SPATS2: variants seen among roughly 807,000 people sequenced by gnomAD.
SPATS2 encodes the protein spermatogenesis associated serine rich 2.
Under a neutral mutation model 63.7 loss-of-function variants are expected in SPATS2, and 38 were observed. The observed-to-expected ratio is 0.60, with a 90% CI of 0.46 to 0.78. The LOEUF (loss-of-function observed/expected upper bound fraction) is 0.78. Among genes scored for constraint, SPATS2 ranks in the 30% least tolerant of loss-of-function variants. The pLI is 0.00. For synonymous variants in SPATS2, 207 were observed against 232.9 expected (o/e 0.89, Z 1.01); for missense variants, 588 against 666.2 (o/e 0.88, Z 1.29).
intron 2 of SPATS2, among the ~76,000 whole-genome samples, chr12:49,379,203 A>T (rs577565954): frequency 2.0e-4 from 31 of 151,660 alleles, no homozygotes; most frequent in Admixed American, 1.2e-3. Flanking sequence ...TACAGGTGTG[A>T]GCCACTGCGC....
intron 3 of SPATS2, among the ~76,000 whole-genome samples, chr12:49,483,303 G>T (rs1946237092): frequency 6.6e-6 from 1 of 151,614 alleles, no homozygotes; most frequent in South Asian, 2.1e-4. Context: ...CCTCTTTGGG[G>T]GAGGATACAT....
intron 2 of SPATS2, chr12:49,389,502 A>T (rs1944382128): frequency 2.3e-6 from 2 of 870,266 alleles, no homozygotes; most frequent in African/African-American, 3.3e-5. Context: ...TAAGAGCAGG[A>T]TATATCTTTA....
chr12:49,409,337 G>A (rs548977574), intron 2 of SPATS2, among the ~76,000 whole-genome samples: 4 of 152,026 alleles, frequency 2.6e-5, no homozygotes, highest in Non-Finnish European at 5.9e-5. Flanking sequence ...ACAGAGTCTC[G>A]CTCTGTCACC....
chr12:49,473,293 G>A (rs1946069459), intron 3 of SPATS2, among the ~76,000 whole-genome samples: 1 of 152,054 alleles, frequency 6.6e-6, no homozygotes, highest in African/African-American at 2.4e-5. Context: ...ACATATGCCT[G>A]TAATCCCAGC....
chr12:49,511,696 T>C (rs1370005764), intron 9 of SPATS2, among the ~76,000 whole-genome samples: 1 of 152,198 alleles, frequency 6.6e-6, no homozygotes. Flanking sequence ...ACTGGAACCA[T>C]TGTTTAGCTC....
intron 2 of SPATS2, among the ~76,000 whole-genome samples, chr12:49,402,997 CA>C (rs1385607425): frequency 1.3e-5 from 2 of 152,004 alleles, no homozygotes; most frequent in African/African-American, 2.4e-5. Context: ...TGATGTGTTC[CA>C]GGGGATATGA....
intron 2 of SPATS2, among the ~76,000 whole-genome samples, chr12:49,374,744 T>G (rs1944063374): frequency 6.6e-6 from 1 of 152,034 alleles, no homozygotes; most frequent in Admixed American, 6.6e-5. Flanking sequence ...GCAGATCACT[T>G]GAGGTCAGGA....
Position 49,429,786 on chromosome 12 carries a change from C to CT in SPATS2, c.-243-30968dup, listed in dbSNP as rs113979672. ...TTTAGGTCTTTCTCTTCTTCTTCTT[C>CT]TTTTTTTTTTTTTTTTGAGAGTCTC... On this transcript the variant is annotated intron_variant, in intron 2 of 13. Coordinates refer to ENST00000552918, the MANE Select transcript of SPATS2 (RefSeq NM_023071.4). Among the ~76,000 whole-genome samples, 787 of 126,528 alleles carry CT rather than the reference C, an allele frequency of 6.2e-3. 7 individuals carry two copies. Among genetic ancestry groups the CT allele is most frequent in the Non-Finnish European group, 6.3e-3 (378 of 60,478 alleles). 83.0% of individuals were successfully genotyped at this position (126,528 alleles called of 152,430 possible). A position where few individuals can be genotyped will look rare whatever the true frequency, so the allele number is the denominator to read the frequency against.
At chr12:49,395,801 G>A (rs1358317835) in intron 2 of SPATS2, among the ~76,000 whole-genome samples, 2 of 152,124 alleles carry the variant, frequency 1.3e-5, no homozygotes, top group African/African-American at 4.8e-5. Flanking sequence ...ATCTTTTGTT[G>A]TACAATACTG....
intron 2 of SPATS2, among the ~76,000 whole-genome samples, chr12:49,371,550 T>C (rs530934693): frequency 7.9e-5 from 12 of 152,336 alleles, no homozygotes; most frequent in Middle Eastern, 6.8e-3. Flanking sequence ...TCCCTCTGTA[T>C]TGATCCATTC....
intron 11 of SPATS2, among the ~76,000 whole-genome samples, 158 bp downstream of exon 11, chr12:49,519,340 C>T (rs1448464912): frequency 6.6e-6 from 1 of 152,144 alleles, no homozygotes. Flanking sequence ...GTGGTATTAT[C>T]ATCTACCCAG....
intron 2 of SPATS2, among the ~76,000 whole-genome samples, chr12:49,435,638 CTTTTT>C (rs34420984): frequency 2.1e-5 from 2 of 96,058 alleles, no homozygotes; most frequent in South Asian, 7.7e-4. Flanking sequence ...TGAATGGTTT[CTTTTT>C]TTTTTTTTTT....
chr12:49,468,601 C>T lies in SPATS2; in HGVS notation c.25+7564C>T, dbSNP rs534731958. Among the ~76,000 whole-genome samples the T allele has an allele frequency of 2.6e-5, 4 of 152,222 alleles. No homozygotes were observed. In the South Asian group the frequency reaches 8.3e-4, roughly 32 times the overall value. On this transcript the variant is annotated intron_variant, in intron 3 of 13. Transcript: ENST00000552918. ...AGGCCATTCTCCCATCTCACCCCCT[C>T]AAGTAGCTGGGACTACAGATACGTG... is the stretch of plus-strand genomic sequence containing the variant.
chr12:49,428,279 A>C (rs930156072), intron 2 of SPATS2, among the ~76,000 whole-genome samples: 13 of 152,092 alleles, frequency 8.5e-5, no homozygotes, highest in African/African-American at 2.9e-4. Flanking sequence ...CAAACAAAAA[A>C]AAAAAACAAA....
At chr12:49,380,317 C>T (rs1000930552) in intron 2 of SPATS2, among the ~76,000 whole-genome samples, 1 of 152,020 alleles carries the variant, frequency 6.6e-6, no homozygotes, top group African/African-American at 2.4e-5. Context: ...AACCACCATG[C>T]CTGACCGAGA....
intron 9 of SPATS2, among the ~76,000 whole-genome samples, chr12:49,505,484 G>T (rs777096085): frequency 2.8e-4 from 43 of 151,816 alleles, no homozygotes; most frequent in Non-Finnish European, 4.6e-4. Context: ...TTCAGATTTT[G>T]GAATGTCTGC....
Position 49,430,640 on chromosome 12 carries a change from A to G in SPATS2, c.-243-30130A>G, listed in dbSNP as rs893938561. On this transcript the variant is annotated intron_variant, in intron 2 of 13. Transcript: ENST00000552918. Reference sequence around the variant, plus strand: ...TTGATTGGGTTTCTGAGTTAGAATTATATTATTTAGATTCAAATGAAGGCT... The same window carrying G: ...TTGATTGGGTTTCTGAGTTAGAATTGTATTATTTAGATTCAAATGAAGGCT... Among the ~76,000 whole-genome samples, 16 of 152,030 alleles carry G rather than the reference A, an allele frequency of 1.1e-4. 1 individual carries two copies. The highest frequency in any genetic ancestry group is 1.1e-3 in the Admixed American group (16 of 15,220).
Position 49,524,687 on chromosome 12 carries a change from C to T in SPATS2, c.1117C>T (p.His373Tyr), listed in dbSNP as rs1947001999. The change falls in exon 13 of 14, where the codon CAT (histidine) becomes TAT (tyrosine). Residue 373 changes from histidine to tyrosine, a missense_variant. Physicochemically the swap from His to Tyr is moderately conservative, Grantham distance 83 (BLOSUM62 2). Transcript: ENST00000552918. ...KSIDSFGQVSHPKNSYSTRSR... is the reference protein window; with the variant it reads ...KSIDSFGQVSYPKNSYSTRSR... ...TCCTCATATTTCTGTTTCAGTGTCTCATCCAAAGAACAGCTATTCGACCAG... is the reference window on the plus strand; with the variant it reads ...TCCTCATATTTCTGTTTCAGTGTCTTATCCAAAGAACAGCTATTCGACCAG... 5.0e-6 allele frequency: 8 copies of T among 1,614,060 alleles called. No individual in the cohort carries two copies. In the East Asian group the frequency reaches 1.8e-4, roughly 36 times the overall value.
chr12:49,417,641 GTTTC>G (rs1944910445), intron 2 of SPATS2, among the ~76,000 whole-genome samples: 1 of 152,144 alleles, frequency 6.6e-6, no homozygotes, highest in Admixed American at 6.6e-5. Context: ...CCGTTTTGCT[GTTTC>G]TTTATCTTTC....
Sources: allele counts gnomAD v4.1 joint callset (sites outside exome capture counted in the v4.1 genomes callset), GRCh38; gene constraint gnomAD v4.1.1; transcripts MANE v1.5; gene names NCBI Gene and HGNC (gene_info 2026-07-23, HGNC 2026-07-21).